Variants in SNX13 observed in about 807,000 individuals in gnomAD.
SNX13 encodes the protein sorting nexin 13, also known as sorting nexin-13.
SNX13 carries 45 observed loss-of-function variants against 133.6 expected under a neutral mutation model. The observed-to-expected ratio is 0.34, with a 90% CI of 0.27 to 0.43. SNX13 has a LOEUF of 0.43. SNX13 is among the 20% of genes least tolerant of loss of function. The pLI is 1.00. For synonymous variants in SNX13, 414 were observed against 373.9 expected, an observed-to-expected ratio of 1.11 and a Z score of -1.24; for missense variants, 1,032 against 1,145.1, an observed-to-expected ratio of 0.90 and a Z score of 1.43.
chr7:17,913,471 G>A (rs1048254295), intron 1 of SNX13, among the ~76,000 whole-genome samples: 1 of 152,156 alleles, frequency 6.6e-6, no homozygotes, highest in African/African-American at 2.4e-5. Flanking sequence ...GTAAGCATGT[G>A]CAGAGTTAAG....
At chr7:17,900,790 T>G (rs1797737280) in intron 1 of SNX13, among the ~76,000 whole-genome samples, 1 of 152,156 alleles carries the variant, frequency 6.6e-6, no homozygotes, top group Non-Finnish European at 1.5e-5. Flanking sequence ...AGAGCCCACT[T>G]GGTGCTCTAT....
intron 4 of SNX13, among the ~76,000 whole-genome samples, chr7:17,891,033 T>C: frequency 1.3e-5 from 2 of 151,984 alleles, no homozygotes; most frequent in African/African-American, 4.8e-5. Flanking sequence ...TTTTTACAAA[T>C]CAGATAAACT....
At chr7:17,838,560 T>C (rs923058990) in intron 13 of SNX13, among the ~76,000 whole-genome samples, 2 of 151,878 alleles carry the variant, frequency 1.3e-5, no homozygotes, top group African/African-American at 4.8e-5. Context: ...TAAAAAAAGA[T>C]TGTTGATTGT....
At position 17,933,716 on chromosome 7, in the gene SNX13, C is replaced by T. The variant is rs190336451; in HGVS notation, c.12+6568G>A. Among the ~76,000 whole-genome samples the T allele has an allele frequency of 2.8e-3, 424 of 151,660 alleles. 11 individuals carry two copies. Among genetic ancestry groups the T allele is most frequent in the Admixed American group, 0.025 (383 of 15,244 alleles). On this transcript the variant is annotated intron_variant, in intron 1 of 25. Coordinates refer to ENST00000428135, the MANE Select transcript of SNX13 (RefSeq NM_015132.5). ...CCCCTCCTAATTTCCCCTCAGGACC[C>T]ACCCACCTATCCACCAAGAAAATAG... is the stretch of plus-strand genomic sequence containing the variant.
chr7:17,814,644 T>C (rs920706379), intron 20 of SNX13, among the ~76,000 whole-genome samples, 190 bp downstream of exon 20: 1 of 152,178 alleles, frequency 6.6e-6, no homozygotes, highest in African/African-American at 2.4e-5. Flanking sequence ...TCTGCTGAAT[T>C]ATAATCAACA....
rs547632219 is a variant in SNX13, at chr7:17,810,154, C to T, written c.2064+4680G>A. Reference sequence around the variant, plus strand: ...CTGAAGGAGATAGAGACACGAAAAACGCTTCAAAAAATCAGTGAGTCCAGG... The same window carrying T: ...CTGAAGGAGATAGAGACACGAAAAATGCTTCAAAAAATCAGTGAGTCCAGG... On this transcript the variant is annotated intron_variant, in intron 20 of 25. Coordinates refer to ENST00000428135, the MANE Select transcript of SNX13 (RefSeq NM_015132.5). Among the ~76,000 whole-genome samples the T allele has an allele frequency of 6.0e-4, 92 of 152,116 alleles. 1 individual carries two copies. Among genetic ancestry groups the T allele is most frequent in the Admixed American group, 3.7e-3 (57 of 15,268 alleles).
chr7:17,794,046 C>A lies in SNX13; in HGVS notation c.2873G>T (p.Ter958LeuextTer5). ...ACACCAGCTTCATAGAGTGGAGTGT[C>A]ACCTTTTCTGCAAAGAAGGCGCTTG... ...TTQAPSLQKR[*>L] The change falls in exon 26 of 26, where the codon TGA becomes TTA. Residue 958 changes from the stop codon to leucine, a stop_lost. Coordinates refer to ENST00000428135, the MANE Select transcript of SNX13 (RefSeq NM_015132.5). The A allele has an allele frequency of 6.2e-7, 1 of 1,610,604 alleles. No homozygotes were observed. The highest frequency in any genetic ancestry group is 1.1e-5 in the South Asian group (1 of 90,808).
rs757069642 is a variant in SNX13, at chr7:17,839,905, A to G, written c.1261T>C (p.Leu421=). ...VTAQQQLEVL[L]SRQRDGKHQT... is the part of the protein sequence containing the mutation. ...TGTTTTCCATCTCTCTGACGACTTA[A>G]TAAAACTTCTAGCTGCTGTTGGGCG... Residue 421 remains leucine, a synonymous_variant, in exon 13 of 26, where the codon TTA becomes CTA. Coordinates refer to ENST00000428135, the MANE Select transcript of SNX13 (RefSeq NM_015132.5). 1 of 1,612,174 alleles carries G rather than the reference A, an allele frequency of 6.2e-7. No individual in the cohort carries two copies. The highest frequency in any genetic ancestry group is 1.1e-5 in the South Asian group (1 of 91,028).
At chr7:17,868,268 G>A in intron 9 of SNX13, 139 bp downstream of exon 9, 1 of 654,334 alleles carries the variant, frequency 1.5e-6, no homozygotes, top group Non-Finnish European at 2.6e-6. Context: ...AAAAATATTG[G>A]AAACACAGAG....
chr7:17,897,655 G>A (rs911575718), intron 1 of SNX13, among the ~76,000 whole-genome samples: 2 of 152,016 alleles, frequency 1.3e-5, no homozygotes, highest in Non-Finnish European at 2.9e-5. Flanking sequence ...GAGATTTACA[G>A]AGCATCTGCA....
At chr7:17,839,624 T>C in intron 13 of SNX13, among the ~76,000 whole-genome samples, 183 bp downstream of exon 13, 1 of 152,156 alleles carries the variant, frequency 6.6e-6, no homozygotes, top group East Asian at 1.9e-4. Context: ...ACTGTGGCCA[T>C]GATAATTTGA....
At chr7:17,909,811 A>G (rs2714863) in intron 1 of SNX13, among the ~76,000 whole-genome samples, 67,120 of 152,092 alleles carry the variant, frequency 0.44, 15,240 homozygotes, top group South Asian at 0.66. Flanking sequence ...GCAAACCACC[A>G]TGGCACACAC....
At chr7:17,933,930 A>G (rs1801718257) in intron 1 of SNX13, among the ~76,000 whole-genome samples, 1 of 152,172 alleles carries the variant, frequency 6.6e-6, no homozygotes, top group Non-Finnish European at 1.5e-5. Context: ...TATTACCCCA[A>G]TTTTACACAG....
intron 20 of SNX13, among the ~76,000 whole-genome samples, chr7:17,806,025 A>C (rs769552063): frequency 1.3e-5 from 2 of 152,218 alleles, no homozygotes; most frequent in Non-Finnish European, 2.9e-5. Context: ...GAAAAAAAGA[A>C]AAACTTTCAG....
At chr7:17,826,694 T>C (rs1045120122) in intron 16 of SNX13, among the ~76,000 whole-genome samples, 2 of 152,100 alleles carry the variant, frequency 1.3e-5, no homozygotes, top group Non-Finnish European at 2.9e-5. Context: ...TTTTAAATGA[T>C]TAGTTTTCAA....
At chr7:17,912,379 A>T (rs1459673619) in intron 1 of SNX13, among the ~76,000 whole-genome samples, 1 of 151,778 alleles carries the variant, frequency 6.6e-6, no homozygotes, top group Non-Finnish European at 1.5e-5. Flanking sequence ...GAAAAGCTGC[A>T]GGCATTTTCC....
intron 9 of SNX13, among the ~76,000 whole-genome samples, chr7:17,859,155 C>G (rs1325598966): frequency 6.6e-6 from 1 of 151,878 alleles, no homozygotes; most frequent in Non-Finnish European, 1.5e-5. Flanking sequence ...AGAAAAAATA[C>G]CAAGTCATAA....
chr7:17,856,812 G>GAAAAA (rs1791953931), intron 9 of SNX13, among the ~76,000 whole-genome samples: 1 of 134,594 alleles, frequency 7.4e-6, no homozygotes, highest in African/African-American at 2.8e-5. Context: ...AAGAAAGAAA[G>GAAAAA]AAAGAAAAGA....
intron 5 of SNX13, among the ~76,000 whole-genome samples, chr7:17,884,543 T>A (rs1176781591): frequency 6.6e-6 from 1 of 152,232 alleles, no homozygotes; most frequent in Non-Finnish European, 1.5e-5. Flanking sequence ...TACCATGGTT[T>A]GTACACGATG....
Sources: gnomAD v4.1 joint callset for allele counts (sites outside exome capture counted in the v4.1 genomes callset) on GRCh38, gnomAD v4.1.1 for gene constraint, MANE v1.5 for transcripts, NCBI Gene and HGNC (gene_info 2026-07-23, HGNC 2026-07-21) for gene names.